The following SPTAN1 variants were observed in gnomAD, a reference collection of about 807,000 sequenced individuals.
SPTAN1 encodes the protein spectrin alpha chain, non-erythrocytic 1.
In SPTAN1, 61 loss-of-function variants were observed where a neutral mutation model predicts 331.3. That is an observed-to-expected ratio of 0.18 (90% confidence interval 0.15 to 0.23). The LOEUF is 0.23. SPTAN1 is among the 10% of genes least tolerant of loss of function. The pLI is 1.00. For synonymous variants in SPTAN1, 1,153 were observed against 1,173.9 expected (o/e 0.98, Z 0.36); for missense variants, 2,043 against 3,147.9 (o/e 0.65, Z 8.40).
At chr9:128,561,556 G>A (rs1251968094) in intron 1 of SPTAN1, among the ~76,000 whole-genome samples, 16 of 149,764 alleles carry the variant, frequency 1.1e-4, no homozygotes, top group South Asian at 4.2e-4. Flanking sequence ...CCAGCTAGTC[G>A]GGAGGCTGAG....
chr9:128,606,123 G>A (rs773558073), intron 31 of SPTAN1, among the ~76,000 whole-genome samples: 1 of 151,824 alleles, frequency 6.6e-6, no homozygotes, highest in Non-Finnish European at 1.5e-5. Flanking sequence ...TGTAATCCCA[G>A]CACTTTGGGA....
In SPTAN1 at chr9:128,564,532, G is replaced by T. The variant is rs1564190922; in HGVS notation, c.-3-2206G>T. 2.0e-5 allele frequency among the ~76,000 whole-genome samples: 3 copies of T among 152,048 alleles called. No homozygotes were observed. The South Asian group carries it at 6.2e-4, about 32-fold the overall frequency. ...AGGGAGGTCGAGGTTGCAGTGAGCCGTGACTGCACTCCAGCCTGGGCAGCA... is the reference window on the plus strand; with the variant it reads ...AGGGAGGTCGAGGTTGCAGTGAGCCTTGACTGCACTCCAGCCTGGGCAGCA... On this transcript the variant is annotated intron_variant, in intron 1 of 56. Transcript: ENST00000372739.
chr9:128,599,771 C>G (rs530917745), intron 26 of SPTAN1: 5 of 364,640 alleles, frequency 1.4e-5, no homozygotes, highest in African/African-American at 1.1e-4. Context: ...TTTATTACCC[C>G]TTTGCAGACA....
chr9:128,580,503 C>T (rs531242026), intron 10 of SPTAN1, among the ~76,000 whole-genome samples: 7 of 152,028 alleles, frequency 4.6e-5, no homozygotes, highest in East Asian at 3.9e-4. Context: ...TTAGTAGCTT[C>T]GGAGCCTAAA....
chr9:128,622,990 A>G (rs1858123369), intron 45 of SPTAN1, among the ~76,000 whole-genome samples: 1 of 151,758 alleles, frequency 6.6e-6, no homozygotes, highest in Admixed American at 6.6e-5. Context: ...TGACCTCATG[A>G]TCCGCCTGCC....
chr9:128,587,576 A>G (rs369549261), intron 19 of SPTAN1, 30 bp from the exon 20 acceptor site: 32 of 1,603,998 alleles, frequency 2.0e-5, no homozygotes, highest in Non-Finnish European at 2.7e-5. Flanking sequence ...CAGCCCCTGC[A>G]CAGTGCTCCA....
At chr9:128,575,114 C>T in intron 4 of SPTAN1, 85 bp from the exon 5 acceptor site, 11 of 1,568,076 alleles carry the variant, frequency 7.0e-6, no homozygotes, top group Non-Finnish European at 9.7e-6. Context: ...TGGCTCCGTC[C>T]CTAATGTGTC....
intron 14 of SPTAN1, 91 bp downstream of exon 14, chr9:128,582,940 G>A (rs1436866023): frequency 1.3e-6 from 2 of 1,595,534 alleles, no homozygotes; most frequent in African/African-American, 2.7e-5. Flanking sequence ...ACGAAATAAG[G>A]GATTCCAGAA....
chr9:128,587,802 C>T (rs894282952), intron 20 of SPTAN1, 104 bp downstream of exon 20: 75 of 821,470 alleles, frequency 9.1e-5, no homozygotes, highest in Non-Finnish European at 1.4e-4. Flanking sequence ...CTGCTATTAA[C>T]TCTTGTGACA....
intron 49 of SPTAN1, 95 bp downstream of exon 49, chr9:128,626,782 G>A (rs75978579): frequency 1.3e-5 from 8 of 608,562 alleles, no homozygotes; most frequent in Non-Finnish European, 2.0e-5. Flanking sequence ...ACGACAAGAC[G>A]AGCAGGATGG....
chr9:128,555,046 A>G (rs978426969), intron 1 of SPTAN1, among the ~76,000 whole-genome samples: 1 of 152,164 alleles, frequency 6.6e-6, no homozygotes, highest in Non-Finnish European at 1.5e-5. Context: ...TTGAAAAAGT[A>G]TATTCGGTAT....
In SPTAN1 at chr9:128,605,170, G is replaced by A. The variant is rs769081903; in HGVS notation, c.3856G>A (p.Gly1286Ser). 4.3e-6 allele frequency: 7 copies of A among 1,613,974 alleles called. No homozygotes were observed. Among genetic ancestry groups the A allele is most frequent in the Non-Finnish European group, 5.1e-6 (6 of 1,180,006 alleles). The change falls in exon 30 of 57, where the codon GGT (glycine) becomes AGT (serine). Residue 1286 changes from glycine (G) to serine (S), a missense_variant. Physicochemically the swap from Gly to Ser is moderately conservative, Grantham distance 56. Coordinates refer to ENST00000372739, the MANE Select transcript of SPTAN1 (RefSeq NM_001130438.3). Reference protein sequence around the residue: ...EGFERDLAALGDKVNSLGETA... With the variant: ...EGFERDLAALSDKVNSLGETA... ...CTTCGAGAGGGACCTTGCGGCTCTC[G>A]GTGACAAGGTGAGAGGACCCAAAGT...
At chr9:128,623,982 C>T (rs746285126) in intron 45 of SPTAN1, among the ~76,000 whole-genome samples, 2 of 147,990 alleles carry the variant, frequency 1.4e-5, no homozygotes, top group Non-Finnish European at 3.0e-5. Context: ...ACTCGGGAGG[C>T]TGAGGCAGGA....
intron 29 of SPTAN1, 124 bp downstream of exon 29, chr9:128,604,541 C>A: frequency 1.1e-6 from 1 of 929,224 alleles, no homozygotes; most frequent in Non-Finnish European, 1.7e-6. Flanking sequence ...TTATTTGTGA[C>A]ATGGGGTGGG....
intron 19 of SPTAN1, among the ~76,000 whole-genome samples, chr9:128,587,276 G>A (rs1650360638): frequency 6.6e-6 from 1 of 151,958 alleles, no homozygotes; most frequent in Admixed American, 6.6e-5. Context: ...GTAGAGATGA[G>A]GTTTCAGTAT....
At chr9:128,611,660 A>C in intron 37 of SPTAN1, 54 bp from the exon 38 acceptor site, 1 of 1,607,950 alleles carries the variant, frequency 6.2e-7, no homozygotes, top group Non-Finnish European at 8.5e-7. Context: ...TTCCCCCTGA[A>C]AAGACATAAC....
At chr9:128,575,904 A>T (rs914287775) in intron 5 of SPTAN1, among the ~76,000 whole-genome samples, 16 of 152,138 alleles carry the variant, frequency 1.1e-4, no homozygotes, top group South Asian at 2.1e-4. Flanking sequence ...GACATCAAGT[A>T]CTCGGAACCA....
chr9:128,619,788 C>G (rs1333696534), intron 44 of SPTAN1, among the ~76,000 whole-genome samples: 1 of 152,230 alleles, frequency 6.6e-6, no homozygotes, highest in African/African-American at 2.4e-5. Flanking sequence ...AATTGGTTAA[C>G]TGTTGCTACA....
intron 56 of SPTAN1, 42 bp from the exon 57 acceptor site, chr9:128,633,167 T>G: frequency 6.2e-7 from 1 of 1,613,340 alleles, no homozygotes; most frequent in Non-Finnish European, 8.5e-7. Context: ...TTGAAGTGGG[T>G]GCAGCTGGCT....
Sources: gnomAD v4.1 joint callset for allele counts (sites outside exome capture counted in the v4.1 genomes callset) on GRCh38, gnomAD v4.1.1 for gene constraint, MANE v1.5 for transcripts, NCBI Gene and HGNC (gene_info 2026-07-23, HGNC 2026-07-21) for gene names.